The following SLC35F4 variants were observed in gnomAD, a reference collection of about 807,000 sequenced individuals.
SLC35F4 encodes the protein solute carrier family 35 member F4.
In SLC35F4, 24 loss-of-function variants were observed where a neutral mutation model predicts 44.2. The ratio of observed to expected loss-of-function variants is 0.54; its 90% CI spans 0.39 to 0.76. The LOEUF (loss-of-function observed/expected upper bound fraction) is 0.76. Among genes scored for constraint, SLC35F4 ranks in the 30% least tolerant of loss-of-function variants. The probability of loss-of-function intolerance (pLI) is 0.00; values close to 1 mark genes in which losing one functional copy is unlikely to be tolerated. For synonymous variants in SLC35F4, 238 were observed against 223.6 expected (o/e 1.06, Z -0.57); for missense variants, 562 against 586.1 (o/e 0.96, Z 0.42).
chr14:57,796,723 G>T (rs1200201589), intron 1 of SLC35F4, among the ~76,000 whole-genome samples: 3 of 152,108 alleles, frequency 2.0e-5, no homozygotes, highest in South Asian at 2.1e-4. Flanking sequence ...AGTAGGCATA[G>T]CTGGCTCCTG....
At chr14:57,607,216 T>C (rs2071212230) in intron 1 of SLC35F4, among the ~76,000 whole-genome samples, 1 of 152,186 alleles carries the variant, frequency 6.6e-6, no homozygotes, top group Admixed American at 6.5e-5. Context: ...ACAAAATATT[T>C]ATGCCTTGTT....
At chr14:57,813,622 A>AT (rs1218559973) in intron 1 of SLC35F4, among the ~76,000 whole-genome samples, 3 of 152,194 alleles carry the variant, frequency 2.0e-5, no homozygotes, top group South Asian at 4.1e-4. Flanking sequence ...ATAAGTATTA[A>AT]TTTTTTATAA....
intron 1 of SLC35F4, among the ~76,000 whole-genome samples, chr14:57,658,956 AAAG>A (rs2074053350): frequency 6.6e-6 from 1 of 152,184 alleles, no homozygotes; most frequent in South Asian, 2.1e-4. Context: ...ACCCAGAGAG[AAAG>A]AAGAGGAGAT....
chr14:57,834,849 C>T (rs144327479), intron 1 of SLC35F4, among the ~76,000 whole-genome samples: 184 of 152,216 alleles, frequency 1.2e-3, no homozygotes, highest in African/African-American at 4.1e-3. Context: ...GCCAGCATGG[C>T]GAAACCCCAT....
chr14:57,908,927 T>A (rs1014070560), intron 1 of SLC35F4, among the ~76,000 whole-genome samples: 2 of 152,218 alleles, frequency 1.3e-5, no homozygotes, highest in African/African-American at 4.8e-5. Flanking sequence ...GTTTTACATG[T>A]GAGTCTTTAA....
At chr14:57,732,764 C>T (rs1034983584) in intron 1 of SLC35F4, among the ~76,000 whole-genome samples, 9 of 152,016 alleles carry the variant, frequency 5.9e-5, no homozygotes, top group African/African-American at 1.9e-4. Context: ...AAGATCTATC[C>T]ACAAAAAGAG....
At chr14:57,680,635 C>A (rs141603791) in intron 1 of SLC35F4, among the ~76,000 whole-genome samples, 22,414 of 152,054 alleles carry the variant, frequency 0.15, 1,897 homozygotes, top group East Asian at 0.29. Flanking sequence ...GCCTCAGCCC[C>A]AAATCTCCTT....
intron 1 of SLC35F4, among the ~76,000 whole-genome samples, chr14:57,891,024 G>A (rs1888751772): frequency 6.6e-6 from 1 of 152,118 alleles, no homozygotes; most frequent in African/African-American, 2.4e-5. Context: ...ATTGTTTAAG[G>A]TAAGGAAAAG....
chr14:57,841,291 T>C (rs1218572139), intron 1 of SLC35F4, among the ~76,000 whole-genome samples: 1 of 152,084 alleles, frequency 6.6e-6, no homozygotes, highest in African/African-American at 2.4e-5. Flanking sequence ...TCGTAGTAGG[T>C]AGTAGAGACC....
chr14:57,885,077 A>T (rs765978477), intron 1 of SLC35F4, among the ~76,000 whole-genome samples: 6 of 152,162 alleles, frequency 3.9e-5, no homozygotes, highest in Non-Finnish European at 5.9e-5. Flanking sequence ...TCTACAGTAT[A>T]CATAGGCATG....
intron 1 of SLC35F4, among the ~76,000 whole-genome samples, chr14:57,781,082 T>C (rs989333521): frequency 2.0e-5 from 3 of 152,094 alleles, no homozygotes; most frequent in African/African-American, 7.2e-5. Context: ...CTAATTAAAC[T>C]AAAGAGCTTC....
At chr14:57,804,353 C>A (rs1409188670) in intron 1 of SLC35F4, among the ~76,000 whole-genome samples, 1 of 152,174 alleles carries the variant, frequency 6.6e-6, no homozygotes, top group Non-Finnish European at 1.5e-5. Flanking sequence ...AGGCATCACG[C>A]TACCCAACTT....
intron 1 of SLC35F4, among the ~76,000 whole-genome samples, chr14:57,891,867 T>C (rs1481155990): frequency 6.6e-6 from 1 of 152,146 alleles, no homozygotes; most frequent in African/African-American, 2.4e-5. Context: ...AGAGCAAGAA[T>C]CCACCTCAAA....
intron 1 of SLC35F4, among the ~76,000 whole-genome samples, chr14:57,885,973 G>T (rs751048878): frequency 4.6e-5 from 7 of 152,156 alleles, no homozygotes; most frequent in Non-Finnish European, 7.4e-5. Flanking sequence ...TGAAAAAAAG[G>T]GATCATATAC....
chr14:57,654,595 C>T (rs148979634), intron 1 of SLC35F4, among the ~76,000 whole-genome samples: 6 of 152,268 alleles, frequency 3.9e-5, no homozygotes, highest in Non-Finnish European at 8.8e-5. Flanking sequence ...TTATTTTCCT[C>T]TGGGTAGATA....
chr14:57,650,205 T>C (rs1422928201), intron 1 of SLC35F4, among the ~76,000 whole-genome samples: 2 of 152,122 alleles, frequency 1.3e-5, no homozygotes, highest in East Asian at 1.9e-4. Context: ...GATTTAATAT[T>C]ACCCATAGGC....
chr14:57,918,656 C>G (rs186689630), intron 1 of SLC35F4, among the ~76,000 whole-genome samples: 29 of 152,176 alleles, frequency 1.9e-4, no homozygotes, highest in African/African-American at 5.8e-4. Flanking sequence ...ATTTGCAGAA[C>G]GAGGAAGGGA....
In SLC35F4 at chr14:57,905,066, C is replaced by T. The variant is rs1418398323; in HGVS notation, n.282+76847G>A. On this transcript the variant is annotated intron_variant and non_coding_transcript_variant, in intron 1 of 1. Transcript: ENST00000556568. ...ATGTGGGTCAAAAATTTGGGCGTGTCTTTGGCTAGGTGGTTTTGGCTTGAG... is the reference window on the plus strand; with the variant it reads ...ATGTGGGTCAAAAATTTGGGCGTGTTTTTGGCTAGGTGGTTTTGGCTTGAG... Among the ~76,000 whole-genome samples the T allele has an allele frequency of 2.0e-5, 3 of 152,268 alleles. No homozygotes were observed. The East Asian group carries it at 5.8e-4, about 29-fold the overall frequency.
At chr14:57,795,615 C>A (rs2078035794) in intron 1 of SLC35F4, among the ~76,000 whole-genome samples, 1 of 151,902 alleles carries the variant, frequency 6.6e-6, no homozygotes, top group African/African-American at 2.4e-5. Flanking sequence ...CCCAGAAATC[C>A]AATGGACTAG....
Sources: gnomAD v4.1 joint callset for allele counts (sites outside exome capture counted in the v4.1 genomes callset) on GRCh38, gnomAD v4.1.1 for gene constraint, MANE v1.5 for transcripts, NCBI Gene and HGNC (gene_info 2026-07-23, HGNC 2026-07-21) for gene names.